The following STXBP5L variants were observed in gnomAD, a reference collection of about 807,000 sequenced individuals.
STXBP5L encodes the protein syntaxin-binding protein 5-like.
In STXBP5L, 65 loss-of-function variants were observed where a neutral mutation model predicts 144.5. The observed-to-expected ratio is 0.45, with a 90% CI of 0.37 to 0.55. The LOEUF (loss-of-function observed/expected upper bound fraction) is 0.55, where lower values mean the gene tolerates loss of function less well. Ranked by LOEUF, STXBP5L falls within the 20% of genes least tolerant of loss-of-function variation. The pLI is 0.00. For missense variants in STXBP5L, 1,298 were observed against 1,405.5 expected, an observed-to-expected ratio of 0.92 and a Z score of 1.22; for synonymous variants, 505 against 469.6, an observed-to-expected ratio of 1.08 and a Z score of -0.97.
At chr3:121,097,592 C>T (rs1248431743) in intron 5 of STXBP5L, among the ~76,000 whole-genome samples, 1 of 152,266 alleles carries the variant, frequency 6.6e-6, no homozygotes, top group East Asian at 1.9e-4. Context: ...CTTGCACTTC[C>T]TGGGTGAGGC....
intron 3 of STXBP5L, among the ~76,000 whole-genome samples, chr3:120,985,429 A>G (rs951158602): frequency 2.0e-5 from 3 of 151,998 alleles, no homozygotes; most frequent in Admixed American, 6.6e-5. Context: ...TTGTAGTGAG[A>G]GCATTTAAAA....
chr3:121,227,441 G>A (rs1460006332), intron 11 of STXBP5L, among the ~76,000 whole-genome samples: 6 of 152,092 alleles, frequency 3.9e-5, no homozygotes, highest in African/African-American at 1.4e-4. Flanking sequence ...TTATCTGGGT[G>A]TAGTGGTACA....
intron 2 of STXBP5L, among the ~76,000 whole-genome samples, chr3:120,940,075 A>G (rs1302861432): frequency 6.6e-6 from 1 of 152,116 alleles, no homozygotes; most frequent in Non-Finnish European, 1.5e-5. Flanking sequence ...CCAAAAGCCA[A>G]ATTATTTTCT....
intron 19 of STXBP5L, among the ~76,000 whole-genome samples, chr3:121,314,011 G>C (rs1184833468): frequency 2.0e-5 from 3 of 151,862 alleles, no homozygotes; most frequent in Admixed American, 2.0e-4. Context: ...CGGCCAGGCA[G>C]AGACGCTCCT....
rs72970639 is a variant in STXBP5L at position 121,073,762 on chromosome 3, G to A, written c.470+28227G>A. 2.6e-3 allele frequency among the ~76,000 whole-genome samples: 388 copies of A among 152,148 alleles called. 2 individuals are homozygous for A. Among genetic ancestry groups the A allele is most frequent in the African/African-American group, 8.8e-3 (365 of 41,508 alleles). ...CTTATACAATGGTTTTGCCAAAAGC[G>A]AGTAATTTGGAATCCAAATGTGACA... On this transcript the variant is annotated intron_variant, in intron 5 of 26. Coordinates refer to ENST00000471454, the MANE Select transcript of STXBP5L (RefSeq NM_001308330.2).
chr3:121,095,620 A>G (rs1171523708), intron 5 of STXBP5L, among the ~76,000 whole-genome samples: 5 of 152,134 alleles, frequency 3.3e-5, no homozygotes, highest in African/African-American at 1.2e-4. Context: ...TTCTCATGCC[A>G]TGGTTTTTAG....
intron 3 of STXBP5L, among the ~76,000 whole-genome samples, chr3:120,987,619 G>T (rs1942412744): frequency 6.6e-6 from 1 of 151,738 alleles, no homozygotes; most frequent in Admixed American, 6.6e-5. Context: ...CGGCTTATCA[G>T]TTTTTTAAAA....
At chr3:120,967,648 T>C (rs1010102241) in intron 3 of STXBP5L, among the ~76,000 whole-genome samples, 42 of 152,198 alleles carry the variant, frequency 2.8e-4, no homozygotes, top group African/African-American at 9.6e-4. Context: ...ATTTTGGGTT[T>C]GAATTTTTCT....
intron 3 of STXBP5L, among the ~76,000 whole-genome samples, chr3:121,008,907 G>A (rs926997275): frequency 2.0e-5 from 3 of 149,930 alleles, no homozygotes; most frequent in Non-Finnish European, 4.4e-5. Context: ...GGATGGAATA[G>A]TTTCTTACGG....
intron 5 of STXBP5L, among the ~76,000 whole-genome samples, chr3:121,097,432 C>T (rs1361512942): frequency 1.3e-5 from 2 of 152,270 alleles, no homozygotes; most frequent in East Asian, 1.9e-4. Flanking sequence ...AACCCAGGGC[C>T]CTGGTGGGGT....
intron 3 of STXBP5L, among the ~76,000 whole-genome samples, chr3:120,992,412 G>A (rs74280554): frequency 0.11 from 17,005 of 151,972 alleles, 1,046 homozygotes; most frequent in Non-Finnish European, 0.14. Context: ...CTATCTAGTT[G>A]TATATTTGTA....
chr3:121,358,473 G>C (rs780978257), intron 20 of STXBP5L, among the ~76,000 whole-genome samples: 9 of 152,164 alleles, frequency 5.9e-5, no homozygotes, highest in Non-Finnish European at 7.4e-5. Flanking sequence ...AGGAGGAAGA[G>C]AGAGCAAAGG....
chr3:121,093,778 C>T (rs954063191), intron 5 of STXBP5L, among the ~76,000 whole-genome samples: 2 of 152,086 alleles, frequency 1.3e-5, no homozygotes, highest in Non-Finnish European at 2.9e-5. Flanking sequence ...TCCTTAAGTT[C>T]TGTTCTGATT....
chr3:121,359,205 T>C (rs2045625745), intron 20 of STXBP5L, among the ~76,000 whole-genome samples: 1 of 152,202 alleles, frequency 6.6e-6, no homozygotes, highest in Non-Finnish European at 1.5e-5. Context: ...CTGATGATCA[T>C]TGATGTTGAG....
rs1276168522 is a variant in STXBP5L, at chr3:121,052,744, A to C, written c.470+7209A>C. Among the ~76,000 whole-genome samples, 2 of 152,096 alleles carry C rather than the reference A, an allele frequency of 1.3e-5. 1 individual carries two copies. Among genetic ancestry groups the C allele is most frequent in the South Asian group, 4.2e-4 (2 of 4,816 alleles). On this transcript the variant is annotated intron_variant, in intron 5 of 26. Coordinates refer to ENST00000471454, the MANE Select transcript of STXBP5L (RefSeq NM_001308330.2). Reference sequence around the variant, plus strand: ...CAACATAGTGTTGGAAGTTCTGGCCAGGGCAATCAGGCAGGAGAAGGAAAT... The same window carrying C: ...CAACATAGTGTTGGAAGTTCTGGCCCGGGCAATCAGGCAGGAGAAGGAAAT...
intron 2 of STXBP5L, among the ~76,000 whole-genome samples, chr3:120,917,780 A>T (rs1042262421): frequency 1.3e-5 from 2 of 152,202 alleles, no homozygotes; most frequent in Non-Finnish European, 2.9e-5. Flanking sequence ...TGATAAGAAT[A>T]CATATTTCAT....
intron 20 of STXBP5L, chr3:121,324,562 G>A (rs1234574777): frequency 7.2e-6 from 5 of 695,532 alleles, no homozygotes; most frequent in Admixed American, 2.1e-5. Flanking sequence ...ATGAGACAGA[G>A]GAATCAAGTA....
intron 20 of STXBP5L, among the ~76,000 whole-genome samples, chr3:121,331,679 G>A (rs574267136): frequency 1.2e-4 from 18 of 152,194 alleles, no homozygotes; most frequent in African/African-American, 2.4e-4. Context: ...TGTCAAGGCC[G>A]TGATCTCTCC....
chr3:121,414,653 G>A (rs2047191798), intron 24 of STXBP5L, among the ~76,000 whole-genome samples: 1 of 152,226 alleles, frequency 6.6e-6, no homozygotes, highest in Non-Finnish European at 1.5e-5. Flanking sequence ...GCATGCAAAA[G>A]CCTCACGGCT....
Sources: gnomAD v4.1 joint callset for allele counts (sites outside exome capture counted in the v4.1 genomes callset) on GRCh38, gnomAD v4.1.1 for gene constraint, MANE v1.5 for transcripts, NCBI Gene and HGNC (gene_info 2026-07-23, HGNC 2026-07-21) for gene names.